KSR2: variants seen among roughly 807,000 people sequenced by gnomAD.
The protein encoded by KSR2 is kinase suppressor of ras 2.
Under a neutral mutation model 107.8 loss-of-function variants are expected in KSR2, and 25 were observed. That is an observed-to-expected ratio of 0.23 (90% CI 0.17 to 0.32). The LOEUF (loss-of-function observed/expected upper bound fraction) is 0.32. KSR2 is among the 10% of genes least tolerant of loss of function. KSR2 has a pLI of 1.00. For synonymous variants in KSR2, 480 were observed against 507.0 expected, an observed-to-expected ratio of 0.95 and a Z score of 0.71; for missense variants, 887 against 1,268.9, an observed-to-expected ratio of 0.70 and a Z score of 4.57.
At chr12:117,943,680 GA>G (rs1399464070) in intron 1 of KSR2, among the ~76,000 whole-genome samples, 2 of 152,120 alleles carry the variant, frequency 1.3e-5, no homozygotes, top group East Asian at 3.8e-4. Context: ...GAAACTTGAA[GA>G]CATTATGTTA....
At chr12:117,581,696 C>T (rs1879673353) in intron 6 of KSR2, among the ~76,000 whole-genome samples, 1 of 152,086 alleles carries the variant, frequency 6.6e-6, no homozygotes, top group African/African-American at 2.4e-5. Context: ...ATATGCAAAC[C>T]CCCCTCCCTA....
intron 1 of KSR2, among the ~76,000 whole-genome samples, chr12:117,880,128 A>G (rs1377857245): frequency 6.6e-6 from 1 of 152,244 alleles, no homozygotes; most frequent in East Asian, 1.9e-4. Context: ...CCTGGGCAAC[A>G]AGAGCGAAAT....
intron 5 of KSR2, among the ~76,000 whole-genome samples, chr12:117,640,489 G>T (rs1883306781): frequency 6.6e-6 from 1 of 152,158 alleles, no homozygotes; most frequent in Non-Finnish European, 1.5e-5. Context: ...GACCTCAGGT[G>T]ATCCACTCGC....
chr12:117,815,183 T>C (rs953270521), intron 3 of KSR2, among the ~76,000 whole-genome samples: 1 of 152,214 alleles, frequency 6.6e-6, no homozygotes, highest in African/African-American at 2.4e-5. Context: ...ATTCTATATT[T>C]CACACATGTG....
intron 3 of KSR2, among the ~76,000 whole-genome samples, chr12:117,773,053 C>T (rs1173620792): frequency 6.6e-6 from 1 of 152,214 alleles, no homozygotes; most frequent in Non-Finnish European, 1.5e-5. Flanking sequence ...AGGGATTCAA[C>T]TTCTCTCTGC....
rs1273591396 is a variant in KSR2, at chr12:117,897,217, T to G, written c.181-36786A>C. On this transcript the variant is annotated intron_variant, in intron 1 of 19. Transcript: ENST00000339824. The surrounding 1 kb of genome is among the most constrained non-coding windows in gnomAD (Gnocchi z 4.5). ...GACAGATGCCAGTTTCAGGCCATAT[T>G]ATGCACATCAGAAATGATCTGGAGG... Among the ~76,000 whole-genome samples, 1 of 152,178 alleles carries G rather than the reference T, an allele frequency of 6.6e-6. No individual in the cohort carries two copies. The highest frequency in any genetic ancestry group is 1.5e-5 in the Non-Finnish European group (1 of 68,032).
chr12:117,579,004 C>G (rs979964152), intron 7 of KSR2, 115 bp downstream of exon 7: 53 of 774,154 alleles, frequency 6.8e-5, no homozygotes, highest in Non-Finnish European at 1.2e-4. Flanking sequence ...AAAAACAAAG[C>G]AAACAACTCT....
intron 4 of KSR2, among the ~76,000 whole-genome samples, chr12:117,672,028 C>T (rs761412092): frequency 7.2e-5 from 11 of 152,194 alleles, no homozygotes; most frequent in South Asian, 2.1e-4. Context: ...GCGCCTGGAA[C>T]GCCAACTCTG....
chr12:117,515,457 T>C (rs1278573392), intron 14 of KSR2, among the ~76,000 whole-genome samples: 4 of 152,196 alleles, frequency 2.6e-5, no homozygotes, highest in African/African-American at 9.7e-5. Flanking sequence ...CAAGTATGTA[T>C]GGAGGACCTA....
chr12:117,849,812 T>G (rs1892850886), intron 3 of KSR2, among the ~76,000 whole-genome samples: 1 of 152,238 alleles, frequency 6.6e-6, no homozygotes, highest in South Asian at 2.1e-4. Context: ...GCCATATCCT[T>G]GGTCTCCATA....
chr12:117,694,338 A>C (rs1320284930), intron 4 of KSR2, among the ~76,000 whole-genome samples: 1 of 152,142 alleles, frequency 6.6e-6, no homozygotes, highest in Non-Finnish European at 1.5e-5. Context: ...GGTTTTATAA[A>C]TGGTAGTTCC....
At position 117,503,133 on chromosome 12, in the gene KSR2, G is replaced by A. The variant is rs189314312; in HGVS notation, c.2220-17442C>T. ...TTATTAGGGGAGACAGTAGCACCTA[G>A]AGGTTAGGAGCTTGGAATTTGAAGT... On this transcript the variant is annotated intron_variant, in intron 14 of 19. Transcript: ENST00000339824. Among the ~76,000 whole-genome samples the A allele has an allele frequency of 3.9e-3, 597 of 152,308 alleles. 1 individual carries two copies. The highest frequency in any genetic ancestry group is 4.8e-3 in the Non-Finnish European group (325 of 68,024).
At chr12:117,479,316 C>T (rs764350500) in intron 16 of KSR2, among the ~76,000 whole-genome samples, 5 of 152,204 alleles carry the variant, frequency 3.3e-5, no homozygotes, top group Non-Finnish European at 5.9e-5. Flanking sequence ...GCCACCCATC[C>T]ACCTCCTGCA....
At chr12:117,886,062 C>T (rs1203504432) in intron 1 of KSR2, among the ~76,000 whole-genome samples, 2 of 151,036 alleles carry the variant, frequency 1.3e-5, no homozygotes, top group Non-Finnish European at 2.9e-5. Flanking sequence ...TGCCACTGCA[C>T]TCCAGCCTGG....
At chr12:117,693,673 A>C (rs1184066007) in intron 4 of KSR2, among the ~76,000 whole-genome samples, 1 of 152,148 alleles carries the variant, frequency 6.6e-6, no homozygotes. Flanking sequence ...TCCTTTCCAT[A>C]ATAGTGATGT....
intron 7 of KSR2, among the ~76,000 whole-genome samples, chr12:117,567,736 A>G (rs11609159): frequency 0.042 from 6,404 of 151,390 alleles, 184 homozygotes; most frequent in South Asian, 0.066. Context: ...GCATACCCCA[A>G]CTGAGCATTC....
intron 12 of KSR2, among the ~76,000 whole-genome samples, chr12:117,527,330 C>G (rs915810302): frequency 7.6e-6 from 1 of 132,146 alleles, no homozygotes; most frequent in African/African-American, 3.4e-5. Context: ...CACACAGACA[C>G]ACACACACAC....
At chr12:117,937,759 G>C (rs1439494473) in intron 1 of KSR2, among the ~76,000 whole-genome samples, 1 of 148,602 alleles carries the variant, frequency 6.7e-6, no homozygotes, top group Non-Finnish European at 1.5e-5. Context: ...AGGAGTTCGA[G>C]ACCAGCCTGG....
chr12:117,747,765 C>A lies in KSR2; in HGVS notation c.986+13246G>T, dbSNP rs183728837. 1.9e-4 allele frequency among the ~76,000 whole-genome samples: 29 copies of A among 152,192 alleles called. No homozygotes were observed. The South Asian group carries it at 2.1e-3, about 11-fold the overall frequency. On this transcript the variant is annotated intron_variant, in intron 4 of 19. Transcript: ENST00000339824. ...AACCACAATGAGATCTCACTTCATA[C>A]CTGTCAAGAATGGCTTTTATCAAAA... is the stretch of plus-strand genomic sequence containing the variant.
Sources: allele counts gnomAD v4.1 joint callset (sites outside exome capture counted in the v4.1 genomes callset), GRCh38; gene constraint gnomAD v4.1.1; non-coding constraint Gnocchi (gnomAD v3.1); transcripts MANE v1.5; gene names NCBI Gene and HGNC (gene_info 2026-07-23, HGNC 2026-07-21).